TBC1D30: variants seen among roughly 807,000 people sequenced by gnomAD.
TBC1D30 encodes TBC1 domain family member 30, also known as TBC1 domain family, member 30.
TBC1D30 carries 31 observed loss-of-function variants against 63.2 expected under a neutral mutation model. The observed-to-expected ratio is 0.49, with a 90% CI of 0.37 to 0.66. The LOEUF is 0.66. TBC1D30 is among the 30% of genes least tolerant of loss of function. The pLI is 0.00. For missense variants in TBC1D30, 810 were observed against 953.6 expected, an observed-to-expected ratio of 0.85 and a Z score of 1.98; for synonymous variants, 307 against 361.5, an observed-to-expected ratio of 0.85 and a Z score of 1.71.
Position 64,864,675 on chromosome 12 carries a change from A to G in TBC1D30, c.1046A>G (p.Tyr349Cys). ...LQSHELMQTVYSMAPFPFPQL... is the reference protein window; with the variant it reads ...LQSHELMQTVCSMAPFPFPQL... ...TTTGCTTTTGTTTTACAGACTGTTTATTCCATGGCTCCGTTCCCTTTCCCA... is the reference window on the plus strand; with the variant it reads ...TTTGCTTTTGTTTTACAGACTGTTTGTTCCATGGCTCCGTTCCCTTTCCCA... Residue 349 changes from tyrosine to cysteine, a missense_variant, in exon 9 of 12, where the codon TAT becomes TGT. This residue lies in a region of TBC1D30 where 83 missense variants were observed against 121.5 expected (regional missense o/e 0.68). Coordinates refer to ENST00000539867, the MANE Select transcript of TBC1D30 (RefSeq NM_015279.2). 1 of 1,536,158 alleles carries G rather than the reference A, an allele frequency of 6.5e-7. No individual in the cohort carries two copies. Among genetic ancestry groups the G allele is most frequent in the Non-Finnish European group, 8.7e-7 (1 of 1,146,662 alleles).
chr12:64,837,391 C>A (rs1875460452), intron 6 of TBC1D30, among the ~76,000 whole-genome samples: 1 of 151,644 alleles, frequency 6.6e-6, no homozygotes. Context: ...TCAGTGGGAG[C>A]TCTGAACTTG....
intron 8 of TBC1D30, among the ~76,000 whole-genome samples, chr12:64,844,916 T>C (rs1876222805): frequency 6.6e-6 from 1 of 152,270 alleles, no homozygotes; most frequent in Admixed American, 6.5e-5. Flanking sequence ...GACCTCCATT[T>C]CCATCCATGT....
At chr12:64,776,232 C>G (rs529626661), upstream of TBC1D30, among the ~76,000 whole-genome samples, 15 of 152,130 alleles carry the variant, frequency 9.9e-5, no homozygotes, top group South Asian at 1.5e-3. Context: ...AAACAAATCC[C>G]AAAGCTAGCA....
Position 64,875,312 on chromosome 12 carries a change from C to T in TBC1D30, c.1810C>T (p.Leu604=). 1.3e-6 allele frequency: 2 copies of T among 1,536,270 alleles called. No individual in the cohort carries two copies. The highest frequency in any genetic ancestry group is 1.7e-6 in the Non-Finnish European group (2 of 1,146,906). ...GAACGAGGCCAGCAAGACCAATGGG[C>T]TGGGGGCAGCAGAGGCATTCCCCTC... is the stretch of plus-strand genomic sequence containing the variant. ...EQNEASKTNG[L]GAAEAFPSGC... is the part of the protein sequence containing the mutation. Residue 604 remains leucine, a synonymous_variant, in exon 12 of 12, where the codon CTG becomes TTG. Transcript: ENST00000539867.
chr12:64,817,020 T>C (rs998074341), intron 2 of TBC1D30, among the ~76,000 whole-genome samples: 3 of 152,178 alleles, frequency 2.0e-5, no homozygotes, highest in African/African-American at 7.2e-5. Flanking sequence ...TGCTGACATC[T>C]GCCTCACCAC....
In TBC1D30 at chr12:64,875,087, A is replaced by G. The variant is rs1348693865; in HGVS notation, c.1585A>G (p.Met529Val). The G allele has an allele frequency of 6.5e-7, 1 of 1,536,432 alleles. No individual in the cohort carries two copies. The highest frequency in any genetic ancestry group is 8.7e-7 in the Non-Finnish European group (1 of 1,146,972). ...CCTTCTTTTAGGAAAGAAGATGAAAATGACTAACAGAGCTGCCAAGAATGC... is the reference window on the plus strand; with the variant it reads ...CCTTCTTTTAGGAAAGAAGATGAAAGTGACTAACAGAGCTGCCAAGAATGC... ...NHLLLGKKMK[M>V]TNRAAKNAVI... is the part of the protein sequence containing the mutation. The change falls in exon 12 of 12, where the codon ATG becomes GTG. Residue 529 changes from methionine (M) to valine (V), a missense_variant. Physicochemically the swap from Met to Val is conservative, Grantham distance 21. Transcript: ENST00000539867.
chr12:64,798,308 G>A (rs2136312419), intron 2 of TBC1D30, among the ~76,000 whole-genome samples: 3 of 152,238 alleles, frequency 2.0e-5, no homozygotes, highest in Middle Eastern at 3.4e-3. Context: ...TAGATTTTTT[G>A]ACAACTGCCA....
chr12:64,787,440 G>T, intron 2 of TBC1D30: 2 of 909,142 alleles, frequency 2.2e-6, no homozygotes, highest in Non-Finnish European at 1.3e-6. Context: ...AGCTTTTCAG[G>T]CGATTGTGGA....
upstream of TBC1D30, among the ~76,000 whole-genome samples, chr12:64,777,730 C>T (rs1871125155): frequency 6.6e-6 from 1 of 152,210 alleles, no homozygotes; most frequent in Non-Finnish European, 1.5e-5. Context: ...CTACCATTGA[C>T]ATTCTCCACA....
At chr12:64,788,886 A>G (rs1871752077) in intron 2 of TBC1D30, among the ~76,000 whole-genome samples, 1 of 152,236 alleles carries the variant, frequency 6.6e-6, no homozygotes, top group East Asian at 1.9e-4. Context: ...GACACTGTCA[A>G]AAATTTGACT....
chr12:64,832,947 G>C (rs1285443105), intron 5 of TBC1D30, among the ~76,000 whole-genome samples: 2 of 152,150 alleles, frequency 1.3e-5, no homozygotes. Flanking sequence ...TTAAGTTACA[G>C]ATTTGTAGCC....
At chr12:64,836,902 C>T (rs1035958575) in intron 6 of TBC1D30, among the ~76,000 whole-genome samples, 4 of 152,184 alleles carry the variant, frequency 2.6e-5, no homozygotes, top group South Asian at 4.1e-4. Flanking sequence ...AGATCAACAA[C>T]TGAAATGATG....
chr12:64,877,720 A>T lies in TBC1D30; in HGVS notation c.*1932A>T, dbSNP rs929371651. 6.6e-6 allele frequency: 1 copy of T among 152,258 alleles called. No individual in the cohort carries two copies. Among genetic ancestry groups the T allele is most frequent in the Non-Finnish European group, 1.5e-5 (1 of 68,066 alleles). 9.4% of individuals were successfully genotyped at this position (152,258 alleles called of 1,614,324 possible). On this transcript the variant is annotated 3_prime_UTR_variant, in exon 12 of 12. Transcript: ENST00000539867. ...AGACCCACTGCATTTTCCAAAGTTA[A>T]GCAAATGACACCATTTTCTTCCATC... is the stretch of plus-strand genomic sequence containing the variant.
intron 10 of TBC1D30, among the ~76,000 whole-genome samples, chr12:64,867,104 G>A (rs1878285678): frequency 6.6e-6 from 1 of 152,076 alleles, no homozygotes; most frequent in South Asian, 2.1e-4. Flanking sequence ...TTGAAGCCAG[G>A]TTTTCAAGAC....
At chr12:64,847,992 A>G (rs949655309) in intron 8 of TBC1D30, among the ~76,000 whole-genome samples, 4 of 150,698 alleles carry the variant, frequency 2.7e-5, no homozygotes, top group African/African-American at 9.8e-5. Context: ...TGAAATCTCT[A>G]GCCGTCACTG....
chr12:64,860,778 A>G (rs982672358), intron 8 of TBC1D30, among the ~76,000 whole-genome samples: 2 of 152,184 alleles, frequency 1.3e-5, no homozygotes, highest in African/African-American at 4.8e-5. Context: ...TATGAGTTGG[A>G]GTGTGAGCAA....
At chr12:64,844,924 T>C (rs550755388) in intron 8 of TBC1D30, among the ~76,000 whole-genome samples, 1 of 152,226 alleles carries the variant, frequency 6.6e-6, no homozygotes, top group Non-Finnish European at 1.5e-5. Flanking sequence ...TTTCCATCCA[T>C]GTTGTTGCAA....
At chr12:64,760,299 G>C (rs1416056753) in intron 1 of TBC1D30, among the ~76,000 whole-genome samples, 1 of 152,094 alleles carries the variant, frequency 6.6e-6, no homozygotes, top group Non-Finnish European at 1.5e-5. Flanking sequence ...CGTGGGCGCG[G>C]TGGCTCACGC....
At position 64,761,394 on chromosome 12, in the gene TBC1D30, A is replaced by G. The variant is rs146308703; in HGVS notation, c.-376+1745A>G. 7.3e-3 allele frequency among the ~76,000 whole-genome samples: 1,110 copies of G among 152,306 alleles called. 14 individuals are homozygous for G. The highest frequency in any genetic ancestry group is 0.025 in the African/African-American group (1,050 of 41,562). ...CCATCTTGAAAAGGGGCTGAGTAAA[A>G]TAAGCCTGAGGCCTGCTATGCTGCA... is the stretch of plus-strand genomic sequence containing the variant. On this transcript the variant is annotated intron_variant, in intron 1 of 13. Coordinates refer to the TBC1D30 transcript ENST00000674237.
Sources: gnomAD v4.1 joint callset for allele counts (sites outside exome capture counted in the v4.1 genomes callset) on GRCh38, gnomAD v4.1.1 for gene constraint, gnomAD v4.1.1 regional missense constraint, MANE v1.5 for transcripts, NCBI Gene and HGNC (gene_info 2026-07-23, HGNC 2026-07-21) for gene names.